SLC30A3: variants seen among roughly 807,000 people sequenced by gnomAD.
The protein encoded by SLC30A3 is solute carrier family 30 member 3, also known as probable proton-coupled zinc antiporter SLC30A3.
SLC30A3 carries 20 observed loss-of-function variants against 35.6 expected under a neutral mutation model. That is an observed-to-expected ratio of 0.56 (90% CI 0.39 to 0.82). The LOEUF (loss-of-function observed/expected upper bound fraction) is 0.82. Among genes scored for constraint, SLC30A3 ranks in the 40% least tolerant of loss-of-function variants. The pLI is 0.00. For missense variants in SLC30A3, 401 were observed against 530.6 expected (o/e 0.76, Z 2.40); for synonymous variants, 217 against 224.7 (o/e 0.97, Z 0.31).
upstream of SLC30A3, among the ~76,000 whole-genome samples, chr2:27,265,369 C>T (rs1366648821): frequency 6.6e-6 from 1 of 152,192 alleles, no homozygotes; most frequent in Non-Finnish European, 1.5e-5. This position sits in a 1 kb window ranked among gnomAD's most constrained non-coding sequence, Gnocchi z 5.9. Context: ...GAAAGCTTGG[C>T]GGCGAAACAG....
intron 7 of SLC30A3, 29 bp downstream of exon 7, chr2:27,256,354 GGTA>G: frequency 6.2e-7 from 1 of 1,612,532 alleles, no homozygotes; most frequent in African/African-American, 1.3e-5. Flanking sequence ...GTATGTTCCA[GGTA>G]GTAACTAGCT....
In SLC30A3 at chr2:27,271,558, C is replaced by T. The variant is rs1677727689; in HGVS notation, c.-159+3619G>A. On this transcript the variant is annotated intron_variant, in intron 1 of 5. Coordinates refer to the SLC30A3 transcript ENST00000424577. This position sits in a 1 kb window ranked among gnomAD's most constrained non-coding sequence, Gnocchi z 4.3. Reference sequence around the variant, plus strand: ...TTTTATAGAAGAGGAAAAATAGACTCAGAGATGAAATGATTTGTCTAAGAT... The same window carrying T: ...TTTTATAGAAGAGGAAAAATAGACTTAGAGATGAAATGATTTGTCTAAGAT... Among the ~76,000 whole-genome samples the T allele has an allele frequency of 6.6e-6, 1 of 152,212 alleles. No homozygotes were observed. Among genetic ancestry groups the T allele is most frequent in the Non-Finnish European group, 1.5e-5 (1 of 68,044 alleles).
Position 27,262,795 on chromosome 2 carries a change from G to C in SLC30A3, c.95+17C>G, listed in dbSNP as rs755059497. The C allele has an allele frequency of 6.4e-7, 1 of 1,551,138 alleles. No homozygotes were observed. Among genetic ancestry groups the C allele is most frequent in the Non-Finnish European group, 8.7e-7 (1 of 1,154,670 alleles). ...GGTGGCGCCCCCGGGCCGAGGGCCA[G>C]CCCAGGTCTGTCCTACCTCTTCAAA... On this transcript the variant is annotated intron_variant, in intron 1 of 7. Coordinates refer to ENST00000233535, the MANE Select transcript of SLC30A3 (RefSeq NM_003459.5). The surrounding 1 kb of genome is among the most constrained non-coding windows in gnomAD (Gnocchi z 7.5).
intron 1 of SLC30A3, among the ~76,000 whole-genome samples, chr2:27,273,053 T>A (rs189083717): frequency 0.088 from 12,014 of 136,912 alleles, 580 homozygotes; most frequent in African/African-American, 0.11. Flanking sequence ...AAAAAAAAAA[T>A]ATATATATAT....
intron 1 of SLC30A3, among the ~76,000 whole-genome samples, chr2:27,272,869 T>G (rs1677784435): frequency 6.6e-6 from 1 of 150,992 alleles, no homozygotes; most frequent in Non-Finnish European, 1.5e-5. Context: ...CTGGGCAACA[T>G]GATGAAACCC....
chr2:27,258,557 C>T lies in SLC30A3; in HGVS notation c.277+196G>A, dbSNP rs991883542. On this transcript the variant is annotated intron_variant, in intron 2 of 7. Coordinates refer to ENST00000233535, the MANE Select transcript of SLC30A3 (RefSeq NM_003459.5). The surrounding 1 kb of genome is among the most constrained non-coding windows in gnomAD (Gnocchi z 4.0). ...AAAGAAGTCAGCCCTGACCTACTGGCCCCGGACCTCGGCTGGAATTCCCTT... is the reference window on the plus strand; with the variant it reads ...AAAGAAGTCAGCCCTGACCTACTGGTCCCGGACCTCGGCTGGAATTCCCTT... 1.5e-6 allele frequency: 1 copy of T among 677,692 alleles called. No individual in the cohort carries two copies. The highest frequency in any genetic ancestry group is 2.8e-5 in the East Asian group (1 of 35,382). 42.0% of individuals were successfully genotyped at this position (677,692 alleles called of 1,614,324 possible).
Position 27,262,912 on chromosome 2 carries a change from C to G in SLC30A3, c.-6G>C. ...GCGGCTGGAGAGGGCTCCATGTTCCCGGTGCCCCGACCGTCTAGGCCCCAC... is the reference window on the plus strand; with the variant it reads ...GCGGCTGGAGAGGGCTCCATGTTCCGGGTGCCCCGACCGTCTAGGCCCCAC... On this transcript the variant is annotated 5_prime_UTR_variant, in exon 1 of 8. Transcript: ENST00000233535. This position sits in a 1 kb window ranked among gnomAD's most constrained non-coding sequence, Gnocchi z 7.5. 6.4e-7 allele frequency: 1 copy of G among 1,554,818 alleles called. No homozygotes were observed. Among genetic ancestry groups the G allele is most frequent in the Admixed American group, 2.0e-5 (1 of 48,970 alleles).
rs10176050 is a variant in SLC30A3, at chr2:27,257,068, A to G, written c.777+86T>C. ...GTGGGAGGGAGGAGCTGGAGGGAGG[A>G]GGAAGGAAGCTTTGGGACCTGGGAA... is the stretch of plus-strand genomic sequence containing the variant. On this transcript the variant is annotated intron_variant, in intron 5 of 7. Transcript: ENST00000233535. This position sits in a 1 kb window ranked among gnomAD's most constrained non-coding sequence, Gnocchi z 4.7. 44,349 of 1,360,166 alleles carry G rather than the reference A, an allele frequency of 0.033. 5,643 individuals are homozygous for G. In the African/African-American group the frequency reaches 0.39, roughly 12 times the overall value. The allele number at this position is 1,360,166 out of a possible 1,614,324, so 84.3% of individuals were successfully genotyped here.
intron 1 of SLC30A3, among the ~76,000 whole-genome samples, chr2:27,274,157 A>G (rs1677871108): frequency 6.6e-6 from 1 of 152,150 alleles, no homozygotes; most frequent in Non-Finnish European, 1.5e-5. Flanking sequence ...CCCCGTCTCT[A>G]CTAAAAATAC....
intron 1 of SLC30A3, among the ~76,000 whole-genome samples, chr2:27,261,587 T>C (rs1677184738): frequency 6.6e-6 from 1 of 152,102 alleles, no homozygotes. Context: ...ATTTGGGCAC[T>C]AAGGAAGCCT....
chr2:27,254,140 G>T lies in SLC30A3; in HGVS notation c.*1172C>A, dbSNP rs1196445140. 1 of 152,202 alleles carries T rather than the reference G, an allele frequency of 6.6e-6. No homozygotes were observed. Among genetic ancestry groups the T allele is most frequent in the Non-Finnish European group, 1.5e-5 (1 of 68,054 alleles). The allele number at this position is 152,202 out of a possible 1,614,324, so 9.4% of individuals were successfully genotyped here. On this transcript the variant is annotated 3_prime_UTR_variant, in exon 8 of 8. Transcript: ENST00000233535. ...GGTTGGCTGCTATCAGGGTTGAGGGGTCCCTACCGCTGGACACCTTAGATG... is the reference window on the plus strand; with the variant it reads ...GGTTGGCTGCTATCAGGGTTGAGGGTTCCCTACCGCTGGACACCTTAGATG...
chr2:27,263,000 T>G lies in SLC30A3; in HGVS notation c.-94A>C. 19 of 1,402,078 alleles carry G rather than the reference T, an allele frequency of 1.4e-5. No homozygotes were observed. Among genetic ancestry groups the G allele is most frequent in the Admixed American group, 7.8e-5 (2 of 25,794 alleles). The allele number at this position is 1,402,078 out of a possible 1,614,324, so 86.9% of individuals were successfully genotyped here. A position where few individuals can be genotyped will look rare whatever the true frequency, so the allele number is the denominator to read the frequency against. On this transcript the variant is annotated 5_prime_UTR_variant, in exon 1 of 8. Coordinates refer to ENST00000233535, the MANE Select transcript of SLC30A3 (RefSeq NM_003459.5). This position sits in a 1 kb window ranked among gnomAD's most constrained non-coding sequence, Gnocchi z 7.5. ...CCGAGCAGCCCGCCGACCCCCGGGA[T>G]CCCCGCAGGGCGGCGGGGCCACCAG...
chr2:27,254,933 A>G lies in SLC30A3; in HGVS notation c.*379T>C, dbSNP rs531071538. The G allele has an allele frequency of 7.0e-5, 40 of 568,130 alleles. No individual in the cohort carries two copies. Among genetic ancestry groups the G allele is most frequent in the African/African-American group, 6.7e-4 (34 of 50,966 alleles). 35.2% of individuals were successfully genotyped at this position (568,130 alleles called of 1,614,324 possible). A position where few individuals can be genotyped will look rare whatever the true frequency, so the allele number is the denominator to read the frequency against. Reference sequence around the variant, plus strand: ...GCATAGGCACACCAACAGCACATAGACAGGCAGATGCCCCCAGCCAGCCAG... The same window carrying G: ...GCATAGGCACACCAACAGCACATAGGCAGGCAGATGCCCCCAGCCAGCCAG... On this transcript the variant is annotated 3_prime_UTR_variant, in exon 8 of 8. Transcript: ENST00000233535.
Position 27,255,533 on chromosome 2 carries a change from G to C in SLC30A3, c.1019-73C>G. ...CAGGCAGGGACTGAGATAAGGACAG[G>C]GAAAGGGGCTGCACAGCATTAAAGC... On this transcript the variant is annotated intron_variant, in intron 7 of 7. Transcript: ENST00000233535. The surrounding 1 kb of genome is among the most constrained non-coding windows in gnomAD (Gnocchi z 5.2). 6.5e-7 allele frequency: 1 copy of C among 1,534,622 alleles called. No homozygotes were observed. Among genetic ancestry groups the C allele is most frequent in the Admixed American group, 1.9e-5 (1 of 52,568 alleles).
upstream of SLC30A3, chr2:27,263,104 G>C: frequency 7.4e-7 from 1 of 1,347,660 alleles, no homozygotes. Context: ...CGCCCCGCGT[G>C]GGGCGAGCTC....
chr2:27,261,427 G>A (rs1257574049), intron 1 of SLC30A3, among the ~76,000 whole-genome samples: 1 of 152,174 alleles, frequency 6.6e-6, no homozygotes, highest in East Asian at 1.9e-4. Flanking sequence ...AGTGAAGATG[G>A]ACTGGAGTTG....
chr2:27,275,051 T>C (rs1677944142), intron 1 of SLC30A3: 1 of 465,510 alleles, frequency 2.1e-6, no homozygotes, highest in Non-Finnish European at 4.0e-6. Flanking sequence ...GCATATGAGT[T>C]GGGTCTTCCA....
rs1400373976 is a variant in SLC30A3 at position 27,262,573 on chromosome 2, C to T, written c.95+239G>A. Among the ~76,000 whole-genome samples the T allele has an allele frequency of 6.6e-6, 1 of 152,036 alleles. No homozygotes were observed. The highest frequency in any genetic ancestry group is 2.4e-5 in the African/African-American group (1 of 41,414). On this transcript the variant is annotated intron_variant, in intron 1 of 7. Coordinates refer to ENST00000233535, the MANE Select transcript of SLC30A3 (RefSeq NM_003459.5). This position sits in a 1 kb window ranked among gnomAD's most constrained non-coding sequence, Gnocchi z 7.5. ...GGGTCCGGCGGCCTGGGACGCCGGCCGGAGGGGAGTGAGAGGCCGCTTCAC... is the reference window on the plus strand; with the variant it reads ...GGGTCCGGCGGCCTGGGACGCCGGCTGGAGGGGAGTGAGAGGCCGCTTCAC...
rs776583896 is a variant in SLC30A3 at position 27,262,922 on chromosome 2, A to G, written c.-16T>C. On this transcript the variant is annotated 5_prime_UTR_variant, in exon 1 of 8. Transcript: ENST00000233535. The surrounding 1 kb of genome is among the most constrained non-coding windows in gnomAD (Gnocchi z 7.5). Reference sequence around the variant, plus strand: ...AGGGCTCCATGTTCCCGGTGCCCCGACCGTCTAGGCCCCACCGAGGAAGAG... The same window carrying G: ...AGGGCTCCATGTTCCCGGTGCCCCGGCCGTCTAGGCCCCACCGAGGAAGAG... The G allele has an allele frequency of 1.3e-5, 20 of 1,549,688 alleles. No individual in the cohort carries two copies. Among genetic ancestry groups the G allele is most frequent in the Admixed American group, 1.0e-4 (5 of 48,488 alleles).
Sources: gnomAD v4.1 joint callset for allele counts (sites outside exome capture counted in the v4.1 genomes callset) on GRCh38, gnomAD v4.1.1 for gene constraint, Gnocchi (gnomAD v3.1) non-coding constraint, MANE v1.5 for transcripts, NCBI Gene and HGNC (gene_info 2026-07-23, HGNC 2026-07-21) for gene names.